The following ZFPM1 variants were observed in gnomAD, a reference collection of about 807,000 sequenced individuals.
ZFPM1 encodes the protein zinc finger protein ZFPM1.
ZFPM1 carries 28 observed loss-of-function variants against 46.3 expected under a neutral mutation model. That is an observed-to-expected ratio of 0.60 (90% CI 0.45 to 0.83). The LOEUF is 0.83. ZFPM1 is among the 40% of genes least tolerant of loss of function. The pLI, the probability that ZFPM1 is intolerant of heterozygous loss-of-function variation, is 0.00. For synonymous variants in ZFPM1, 957 were observed against 675.9 expected (o/e 1.42, Z -6.45); for missense variants, 1,878 against 1,432.4 (o/e 1.31, Z -5.02).
chr16:88,517,180 AGATGGATGGATGGATGGATGGATGGATG>A (rs72281150), intron 4 of ZFPM1, among the ~76,000 whole-genome samples: 3 of 92,116 alleles, frequency 3.3e-5, no homozygotes, highest in Non-Finnish European at 6.7e-5. Context: ...ATGGATGGGT[AGATGGATGGATGGATGGATGGATGGATG>A]GATGGATGGA....
At chr16:88,455,170 T>G (rs1371980049) in intron 1 of ZFPM1, among the ~76,000 whole-genome samples, 1 of 148,630 alleles carries the variant, frequency 6.7e-6, no homozygotes, top group Non-Finnish European at 1.5e-5. Context: ...TGTGTGTGTG[T>G]GTGGTGTTTC....
upstream of ZFPM1, among the ~76,000 whole-genome samples, chr16:88,452,610 A>G (rs1907324032): frequency 6.6e-6 from 1 of 152,212 alleles, no homozygotes; most frequent in South Asian, 2.1e-4. Flanking sequence ...CCACACCCCA[A>G]GTCTGGCCCA....
chr16:88,506,131 A>C lies in ZFPM1; in HGVS notation c.269-8256A>C. ...TGCTCTGAGGTTTGTGGCCCAGCAG[A>C]GGCCAGGCATCATGGCCAGGAGGCC... On this transcript the variant is annotated intron_variant, in intron 3 of 9. Transcript: ENST00000319555. 1.3e-5 allele frequency among the ~76,000 whole-genome samples: 2 copies of C among 152,172 alleles called. 1 individual carries two copies. Among genetic ancestry groups the C allele is most frequent in the East Asian group, 3.9e-4 (2 of 5,180 alleles).
intron 3 of ZFPM1, among the ~76,000 whole-genome samples, chr16:88,494,023 T>C (rs1413346713): frequency 6.6e-6 from 1 of 152,024 alleles, no homozygotes; most frequent in East Asian, 1.9e-4. Context: ...ATCTGTAAAA[T>C]GGACATAAGG....
intron 4 of ZFPM1, among the ~76,000 whole-genome samples, chr16:88,521,070 GGTGGATGGATGATT>G (rs1911844656): frequency 9.4e-6 from 1 of 105,888 alleles, no homozygotes; most frequent in Non-Finnish European, 2.2e-5. Context: ...AGGGTGGGTG[GGTGGATGGATGATT>G]AGGTGGGTGG....
chr16:88,506,065 C>T (rs1404403684), intron 3 of ZFPM1, among the ~76,000 whole-genome samples: 1 of 152,086 alleles, frequency 6.6e-6, no homozygotes, highest in Non-Finnish European at 1.5e-5. Flanking sequence ...GCCTGGGGCT[C>T]TAGGCCAACC....
In ZFPM1 at chr16:88,498,340, G is replaced by A. The variant is rs563100493; in HGVS notation, c.268+9187G>A. Among the ~76,000 whole-genome samples the A allele has an allele frequency of 7.9e-5, 12 of 152,338 alleles. No homozygotes were observed. The South Asian group carries it at 1.9e-3, about 24-fold the overall frequency. On this transcript the variant is annotated intron_variant, in intron 3 of 9. Transcript: ENST00000319555. ...TTTGCTGAGCACTTTGGGGCCAGGCGCATATCAGGTGCTGGATAGACAGGG... is the reference window on the plus strand; with the variant it reads ...TTTGCTGAGCACTTTGGGGCCAGGCACATATCAGGTGCTGGATAGACAGGG...
chr16:88,485,137 G>A (rs906314738), intron 1 of ZFPM1, among the ~76,000 whole-genome samples: 5 of 152,216 alleles, frequency 3.3e-5, no homozygotes, highest in African/African-American at 1.2e-4. Flanking sequence ...CGGGGCACTG[G>A]CAGGTGATGC....
At chr16:88,492,862 C>T (rs1909656554) in intron 3 of ZFPM1, among the ~76,000 whole-genome samples, 1 of 152,206 alleles carries the variant, frequency 6.6e-6, no homozygotes. Context: ...CCAAGAGGCC[C>T]CCAACACCCG....
In ZFPM1 at chr16:88,480,284, G is replaced by C. The variant is rs1380527052; in HGVS notation, c.41-5655G>C. Among the ~76,000 whole-genome samples, 1 of 152,176 alleles carries C rather than the reference G, an allele frequency of 6.6e-6. No individual in the cohort carries two copies. On this transcript the variant is annotated intron_variant, in intron 1 of 9. Coordinates refer to ENST00000319555, the MANE Select transcript of ZFPM1 (RefSeq NM_153813.3). The surrounding 1 kb of genome is among the most constrained non-coding windows in gnomAD (Gnocchi z 4.9). ...CACTGGCATCTTCCACTTTTTGGGGGATGGGGCTGGTCACTGCAGGATCTC... is the reference window on the plus strand; with the variant it reads ...CACTGGCATCTTCCACTTTTTGGGGCATGGGGCTGGTCACTGCAGGATCTC...
intron 1 of ZFPM1, among the ~76,000 whole-genome samples, chr16:88,457,020 T>G (rs897487893): frequency 6.6e-6 from 1 of 152,180 alleles, no homozygotes; most frequent in Non-Finnish European, 1.5e-5. Flanking sequence ...CTCTCAGAGT[T>G]TGATTAAACA....
At chr16:88,466,154 C>G (rs1231023425) in intron 1 of ZFPM1, among the ~76,000 whole-genome samples, 3 of 152,106 alleles carry the variant, frequency 2.0e-5, no homozygotes, top group Non-Finnish European at 4.4e-5. Flanking sequence ...CTCTGGGAAC[C>G]CAAAGGCAGG....
Position 88,490,321 on chromosome 16 carries a change from G to C in ZFPM1, c.268+1168G>C, listed in dbSNP as rs562424957. The stretch of plus-strand genomic sequence containing the variant: ...CCCGCCTCGGCCTCCCAAAGTGCTG[G>C]GATTACAGGCGTGAGCCACCACGCC... On this transcript the variant is annotated intron_variant, in intron 3 of 9. Coordinates refer to ENST00000319555, the MANE Select transcript of ZFPM1 (RefSeq NM_153813.3). Among the ~76,000 whole-genome samples, 421 of 152,336 alleles carry C rather than the reference G, an allele frequency of 2.8e-3. 10 individuals are homozygous for C. Among genetic ancestry groups the C allele is most frequent in the Middle Eastern group, 0.014 (4 of 294 alleles).
In ZFPM1 at chr16:88,534,001, C is replaced by A; in HGVS notation, c.2043C>A (p.Ser681Arg). The A allele has an allele frequency of 7.3e-7, 1 of 1,378,774 alleles. No homozygotes were observed. The highest frequency in any genetic ancestry group is 3.8e-5 in the East Asian group (1 of 26,148). The allele number at this position is 1,378,774 out of a possible 1,614,324, so 85.4% of individuals were successfully genotyped here. The change falls in exon 10 of 10, where the codon AGC (serine) becomes AGA (arginine). Residue 681 changes from serine to arginine, a missense_variant. Transcript: ENST00000319555. ...TGGACGACGCGGAGGACGACCCCAG[C>A]CGCACGCTGTGCGAGGCCTGCAACA... ...SSVDDAEDDPSRTLCEACNIR... is the reference protein window; with the variant it reads ...SSVDDAEDDPRRTLCEACNIR...
chr16:88,486,182 C>T lies in ZFPM1; in HGVS notation c.145+139C>T, dbSNP rs975832535. ...GAGTCCAGGACAGGCGTCTTCCAGC[C>T]AGAGGCCTGTTGCCCGGAGGCCCTC... On this transcript the variant is annotated intron_variant, in intron 2 of 9. Transcript: ENST00000319555. 7.7e-6 allele frequency: 7 copies of T among 909,142 alleles called. No homozygotes were observed. In the Admixed American group the frequency reaches 9.8e-5, roughly 13 times the overall value. The allele number at this position is 909,142 out of a possible 1,614,324, so 56.3% of individuals were successfully genotyped here. A position where few individuals can be genotyped will look rare whatever the true frequency, so the allele number is the denominator to read the frequency against.
rs746531010 is a variant in ZFPM1 at position 88,489,060 on chromosome 16, C to T, written c.175C>T (p.Pro59Ser). The change falls in exon 3 of 10, where the codon CCC (proline) becomes TCC (serine). Residue 59 changes from proline to serine, a missense_variant. By Grantham distance (74) the Pro-to-Ser change is moderately conservative. Coordinates refer to ENST00000319555, the MANE Select transcript of ZFPM1 (RefSeq NM_153813.3). ...DVNSPPPLPPPTSPGGPKELE... is the reference protein window; with the variant it reads ...DVNSPPPLPPSTSPGGPKELE... ...TAACTCACCCCCACCGCTGCCGCCC[C>T]CCACATCCCCAGGAGGCCCCAAGGA... is the stretch of plus-strand genomic sequence containing the variant. The T allele has an allele frequency of 9.9e-6, 16 of 1,613,010 alleles. No homozygotes were observed. Among genetic ancestry groups the T allele is most frequent in the African/African-American group, 9.3e-5 (7 of 74,920 alleles).
intron 5 of ZFPM1, among the ~76,000 whole-genome samples, chr16:88,527,187 G>C (rs1044330808): frequency 5.3e-5 from 8 of 152,184 alleles, no homozygotes; most frequent in Non-Finnish European, 1.2e-4. Flanking sequence ...CTGCCCCTCT[G>C]GGGGACACCG....
At chr16:88,495,657 A>C (rs1353375300) in intron 3 of ZFPM1, among the ~76,000 whole-genome samples, 1 of 152,014 alleles carries the variant, frequency 6.6e-6, no homozygotes, top group Non-Finnish European at 1.5e-5. Flanking sequence ...CTAGGCGGGG[A>C]GTGAGGAGGC....
At position 88,534,131 on chromosome 16, in the gene ZFPM1, G is replaced by A; in HGVS notation, c.2173G>A (p.Gly725Arg). The A allele has an allele frequency of 1.0e-6, 1 of 1,002,924 alleles. No homozygotes were observed. The highest frequency in any genetic ancestry group is 1.2e-6 in the Non-Finnish European group (1 of 842,648). 62.1% of individuals were successfully genotyped at this position (1,002,924 alleles called of 1,614,324 possible). A position where few individuals can be genotyped will look rare whatever the true frequency, so the allele number is the denominator to read the frequency against. ...RRPAAPPGPP[G>R]PAAPPAPSPA... ...ACCGGCCGCGCCCCCGGGACCCCCT[G>A]GGCCGGCCGCGCCCCCGGCCCCCTC... Residue 725 changes from glycine (G) to arginine (R), a missense_variant, in exon 10 of 10, where the codon GGG (glycine) becomes AGG (arginine). By Grantham distance (125) the Gly-to-Arg change is moderately radical (BLOSUM62 -2). Coordinates refer to ENST00000319555, the MANE Select transcript of ZFPM1 (RefSeq NM_153813.3).
Sources: allele counts gnomAD v4.1 joint callset (sites outside exome capture counted in the v4.1 genomes callset), GRCh38; gene constraint gnomAD v4.1.1; non-coding constraint Gnocchi (gnomAD v3.1); transcripts MANE v1.5; gene names NCBI Gene and HGNC (gene_info 2026-07-23, HGNC 2026-07-21).